Variants in NALCN observed in about 807,000 individuals in gnomAD.
The protein encoded by NALCN is sodium leak channel NALCN.
In NALCN, 111 loss-of-function variants were observed where a neutral mutation model predicts 225.3. The observed-to-expected ratio is 0.49, with a 90% CI of 0.42 to 0.58. The LOEUF (loss-of-function observed/expected upper bound fraction) is 0.58. Among genes scored for constraint, NALCN ranks in the 20% least tolerant of loss-of-function variants. NALCN has a pLI of 0.00. For missense variants in NALCN, 1,378 were observed against 2,202.4 expected, an observed-to-expected ratio of 0.63 and a Z score of 7.49; for synonymous variants, 764 against 769.0, an observed-to-expected ratio of 0.99 and a Z score of 0.11.
intron 18 of NALCN, among the ~76,000 whole-genome samples, chr13:101,120,145 T>G (rs1209102859): frequency 1.3e-5 from 2 of 152,180 alleles, no homozygotes; most frequent in Non-Finnish European, 2.9e-5. Flanking sequence ...TTCATAGTAA[T>G]GTATATAACA....
intron 9 of NALCN, among the ~76,000 whole-genome samples, chr13:101,291,004 C>T: frequency 6.6e-6 from 1 of 151,850 alleles, no homozygotes; most frequent in Non-Finnish European, 1.5e-5. Context: ...GAAACAAAAC[C>T]AAAAATAAAA....
In NALCN at chr13:101,296,393, G is replaced by A. The variant is rs148339764; in HGVS notation, c.800-4027C>T. Among the ~76,000 whole-genome samples, 376 of 152,280 alleles carry A rather than the reference G, an allele frequency of 2.5e-3. 2 individuals are homozygous for A. The highest frequency in any genetic ancestry group is 4.3e-3 in the Non-Finnish European group (292 of 68,028). Reference sequence around the variant, plus strand: ...GATAATTTGGAAACTATTTTGTAGTGAATTGACTTTGCTTTGCTGATTTTC... The same window carrying A: ...GATAATTTGGAAACTATTTTGTAGTAAATTGACTTTGCTTTGCTGATTTTC... On this transcript the variant is annotated intron_variant, in intron 7 of 43. Coordinates refer to ENST00000251127, the MANE Select transcript of NALCN (RefSeq NM_052867.4).
chr13:101,108,116 T>A (rs1375104002), intron 20 of NALCN, among the ~76,000 whole-genome samples: 1 of 148,870 alleles, frequency 6.7e-6, no homozygotes, highest in African/African-American at 2.4e-5. Flanking sequence ...ATTATGTATA[T>A]TTATACTAAA....
At chr13:101,270,467 A>G (rs2042740326) in intron 10 of NALCN, among the ~76,000 whole-genome samples, 1 of 152,254 alleles carries the variant, frequency 6.6e-6, no homozygotes, top group African/African-American at 2.4e-5. Flanking sequence ...TATGAATTCA[A>G]AATTGAAGCT....
intron 37 of NALCN, among the ~76,000 whole-genome samples, chr13:101,070,281 T>A (rs975927647): frequency 6.6e-6 from 1 of 152,072 alleles, no homozygotes; most frequent in Non-Finnish European, 1.5e-5. Flanking sequence ...TTAGCCAGGA[T>A]GGTCTCGATC....
chr13:101,121,282 A>G (rs1179087427), intron 18 of NALCN, among the ~76,000 whole-genome samples: 1 of 152,130 alleles, frequency 6.6e-6, no homozygotes, highest in African/African-American at 2.4e-5. Context: ...TTGTCTGTTT[A>G]CACAGCCAGG....
intron 15 of NALCN, among the ~76,000 whole-genome samples, chr13:101,160,474 C>T (rs1338456569): frequency 6.6e-6 from 1 of 152,164 alleles, no homozygotes; most frequent in African/African-American, 2.4e-5. Context: ...TACAATGGCA[C>T]TCACATCTGC....
chr13:101,055,476 A>G lies in NALCN; in HGVS notation c.5036T>C (p.Ile1679Thr), dbSNP rs773729445. Residue 1679 changes from isoleucine (I) to threonine (T), a missense_variant, in exon 44 of 44, where the codon ATA becomes ACA. Ile to Thr is a moderately conservative substitution (Grantham distance 89). Transcript: ENST00000251127. ...GTTGACTGAGGACACTGAATGGCTT[A>G]TTGGTTTTGGGGCTGTGGAATTAAT... ...QWRLPSAPKP[I>T]SHSVSSVNLR... 6.2e-7 allele frequency: 1 copy of G among 1,613,902 alleles called. No individual in the cohort carries two copies. The highest frequency in any genetic ancestry group is 8.5e-7 in the Non-Finnish European group (1 of 1,179,936).
intron 1 of NALCN, among the ~76,000 whole-genome samples, chr13:101,412,802 G>A (rs1171928799): frequency 1.3e-5 from 2 of 152,150 alleles, no homozygotes; most frequent in Admixed American, 1.3e-4. Flanking sequence ...TTCTCACTAT[G>A]TAAGCCCTTT....
At position 101,104,651 on chromosome 13, in the gene NALCN, C is replaced by T; in HGVS notation, c.2637-1G>A. 2 of 1,613,754 alleles carry T rather than the reference C, an allele frequency of 1.2e-6. No homozygotes were observed. Among genetic ancestry groups the T allele is most frequent in the South Asian group, 2.2e-5 (2 of 91,032 alleles). ...GTAAGTGACCAATCCCAGCAAATCA[C>T]TGCCAAAGACCAAACAAAATTGAGA... On this transcript the variant is annotated splice_acceptor_variant, in intron 23 of 43. Coordinates refer to ENST00000251127, the MANE Select transcript of NALCN (RefSeq NM_052867.4). LOFTEE classifies it high-confidence loss of function. The surrounding 1 kb of genome is among the most constrained non-coding windows in gnomAD (Gnocchi z 4.2).
chr13:101,129,750 CTGGGGTACA>C, intron 17 of NALCN, among the ~76,000 whole-genome samples: 1 of 138,936 alleles, frequency 7.2e-6, no homozygotes, highest in East Asian at 2.1e-4. Flanking sequence ...ACTTTAAGTT[CTGGGGTACA>C]TGAGCAGAAC....
At chr13:101,070,494 T>A (rs960500405) in intron 37 of NALCN, among the ~76,000 whole-genome samples, 2 of 152,200 alleles carry the variant, frequency 1.3e-5, no homozygotes, top group Non-Finnish European at 2.9e-5. Flanking sequence ...ATTTCTGAAA[T>A]AATAAGACTT....
At chr13:101,192,155 AT>A in intron 13 of NALCN, 101 bp from the exon 14 acceptor site, 2 of 1,344,274 alleles carry the variant, frequency 1.5e-6, no homozygotes, top group Non-Finnish European at 2.0e-6. Flanking sequence ...AATATTATTG[AT>A]TTTTATCTGA....
intron 6 of NALCN, among the ~76,000 whole-genome samples, chr13:101,374,447 C>A (rs989910563): frequency 7.9e-5 from 12 of 151,614 alleles, no homozygotes. Flanking sequence ...CCACCATGCC[C>A]GGCTAATTTT....
chr13:101,337,079 A>G (rs1027480160), intron 7 of NALCN, among the ~76,000 whole-genome samples: 1 of 152,138 alleles, frequency 6.6e-6, no homozygotes, highest in Non-Finnish European at 1.5e-5. Context: ...TTTACAGCTC[A>G]GTAGCTTATA....
intron 7 of NALCN, among the ~76,000 whole-genome samples, chr13:101,309,663 C>G (rs1182140232): frequency 3.9e-5 from 6 of 152,150 alleles, no homozygotes; most frequent in African/African-American, 1.2e-4. Context: ...CAAATTTGAT[C>G]ATTTTACTTT....
rs186191031 is a variant in NALCN, at chr13:101,335,863, T to G, written c.799+9403A>C. Among the ~76,000 whole-genome samples the G allele has an allele frequency of 1.4e-3, 209 of 152,258 alleles. 1 individual carries two copies. Among genetic ancestry groups the G allele is most frequent in the Non-Finnish European group, 1.8e-3 (124 of 67,968 alleles). On this transcript the variant is annotated intron_variant, in intron 7 of 43. Coordinates refer to ENST00000251127, the MANE Select transcript of NALCN (RefSeq NM_052867.4). ...TTCTGTTTTCTATTTATTTGTAAAG[T>G]TCTCATCTGATATCACATATGGTAG...
At chr13:101,281,033 A>G (rs1566525875) in intron 10 of NALCN, among the ~76,000 whole-genome samples, 1 of 152,096 alleles carries the variant, frequency 6.6e-6, no homozygotes, top group African/African-American at 2.4e-5. Flanking sequence ...GGCGTGCACC[A>G]CAACACCTGG....
At chr13:101,060,282 T>TTTTTTTTG (rs2031777402) in intron 41 of NALCN, among the ~76,000 whole-genome samples, 2 of 138,174 alleles carry the variant, frequency 1.4e-5, no homozygotes, top group Admixed American at 7.0e-5. Context: ...TCTGTTTTTT[T>TTTTTTTTG]TTTTTTTTTT....
Sources: gnomAD v4.1 joint callset for allele counts (sites outside exome capture counted in the v4.1 genomes callset) on GRCh38, gnomAD v4.1.1 for gene constraint, Gnocchi (gnomAD v3.1) non-coding constraint, MANE v1.5 for transcripts, NCBI Gene and HGNC (gene_info 2026-07-23, HGNC 2026-07-21) for gene names.